DOCK8: variants seen among roughly 807,000 people sequenced by gnomAD.
DOCK8 encodes dedicator of cytokinesis 8.
In DOCK8, 141 loss-of-function variants were observed where a neutral mutation model predicts 245.6. That is an observed-to-expected ratio of 0.57 (90% CI 0.50 to 0.66). DOCK8 has a LOEUF of 0.66. Among genes scored for constraint, DOCK8 ranks in the 30% least tolerant of loss-of-function variants. The pLI is 0.00. For synonymous variants in DOCK8, 1,168 were observed against 970.2 expected (o/e 1.20, Z -3.79); for missense variants, 2,965 against 2,603.4 (o/e 1.14, Z -3.02).
chr9:365,170 A>G (rs1358816796), intron 14 of DOCK8, among the ~76,000 whole-genome samples: 2 of 152,218 alleles, frequency 1.3e-5, no homozygotes, highest in East Asian at 1.9e-4. Context: ...TTTATTTTAC[A>G]TTTTTGAAAA....
intron 46 of DOCK8, among the ~76,000 whole-genome samples, chr9:462,409 A>G (rs979298180): frequency 8.5e-5 from 13 of 152,358 alleles, no homozygotes; most frequent in African/African-American, 2.9e-4. Context: ...GCTGATAGCA[A>G]GTTTTCATTC....
In DOCK8 at chr9:286,522, A is replaced by G. The variant is rs886063849; in HGVS notation, c.218A>G (p.Asn73Ser). 3.1e-6 allele frequency: 5 copies of G among 1,614,008 alleles called. No homozygotes were observed. Among genetic ancestry groups the G allele is most frequent in the Non-Finnish European group, 4.2e-6 (5 of 1,179,934 alleles). ...GAAGGACTTCTGATGACACACCTGA[A>G]CAGCCTGGATGTGCAGCTTGCCCAG... The part of the protein sequence containing the change: ...DFEGLLMTHL[N>S]SLDVQLAQEL... The change falls in exon 3 of 48, where the codon AAC (asparagine) becomes AGC (serine). Residue 73 changes from asparagine (N) to serine (S), a missense_variant. Coordinates refer to ENST00000432829, the MANE Select transcript of DOCK8 (RefSeq NM_203447.4).
At chr9:440,179 C>T (rs140622335) in intron 40 of DOCK8, among the ~76,000 whole-genome samples, 107 of 152,188 alleles carry the variant, frequency 7.0e-4, no homozygotes, top group African/African-American at 2.3e-3. Context: ...CCACCACACT[C>T]GGCCAATTTT....
rs747023578 is a variant in DOCK8 at position 339,072 on chromosome 9, T to G, written c.1489T>G (p.Leu497Val). The G allele has an allele frequency of 6.8e-6, 11 of 1,614,004 alleles. No homozygotes were observed. Among genetic ancestry groups the G allele is most frequent in the Non-Finnish European group, 2.5e-6 (3 of 1,180,000 alleles). Reference protein sequence around the residue: ...FLADYKRSSSLQRRVKSIPGL... With the variant: ...FLADYKRSSSVQRRVKSIPGL... ...AGCTGACTACAAAAGATCATCATCCTTACAGAGACGAGTCAAGTCAATTCC... is the reference window on the plus strand; with the variant it reads ...AGCTGACTACAAAAGATCATCATCCGTACAGAGACGAGTCAAGTCAATTCC... Residue 497 changes from leucine to valine, a missense_variant, in exon 13 of 48, where the codon TTA (leucine) becomes GTA (valine). Coordinates refer to ENST00000432829, the MANE Select transcript of DOCK8 (RefSeq NM_203447.4).
rs2057909534 is a variant in DOCK8, at chr9:464,422, G to A, written c.*203G>A. Reference sequence around the variant, plus strand: ...CAGATTTTTGCCATACTGGGGGGTGGCGGGATGGAGGATGGGTACTCAGGC... The same window carrying A: ...CAGATTTTTGCCATACTGGGGGGTGACGGGATGGAGGATGGGTACTCAGGC... On this transcript the variant is annotated 3_prime_UTR_variant, in exon 48 of 48. Transcript: ENST00000432829. 2 of 638,128 alleles carry A rather than the reference G, an allele frequency of 3.1e-6. No homozygotes were observed. The highest frequency in any genetic ancestry group is 4.9e-5 in the Admixed American group (2 of 40,710). The allele number at this position is 638,128 out of a possible 1,614,324, so 39.5% of individuals were successfully genotyped here. A position where few individuals can be genotyped will look rare whatever the true frequency, so the allele number is the denominator to read the frequency against.
At chr9:420,849 A>C in intron 31 of DOCK8, 100 bp from the exon 32 acceptor site, 1 of 1,526,668 alleles carries the variant, frequency 6.6e-7, no homozygotes, top group East Asian at 2.3e-5. Flanking sequence ...GCACATGTCA[A>C]ACTTAGCTGG....
chr9:295,473 A>G (rs1443606907), intron 4 of DOCK8, among the ~76,000 whole-genome samples: 1 of 152,240 alleles, frequency 6.6e-6, no homozygotes, highest in African/African-American at 2.4e-5. Context: ...AGTATTAGCT[A>G]TTATATTTAT....
intron 28 of DOCK8, among the ~76,000 whole-genome samples, chr9:407,344 A>G (rs746373220): frequency 2.6e-5 from 4 of 152,212 alleles, no homozygotes; most frequent in Non-Finnish European, 5.9e-5. Context: ...CTGCTATAGC[A>G]GGTTTCCCAA....
chr9:307,328 GGTTTTTTTTGTTTTTTTTTTTT>G (rs2049881902), intron 5 of DOCK8, among the ~76,000 whole-genome samples: 2 of 64,548 alleles, frequency 3.1e-5, no homozygotes, highest in Admixed American at 3.7e-4. Flanking sequence ...TGTTGTGTGT[GGTTTTTTTTGTTTTTTTTTTTT>G]TTTTTTTTTT....
At chr9:259,528 C>T (rs1399340794) in intron 1 of DOCK8, among the ~76,000 whole-genome samples, 2 of 152,154 alleles carry the variant, frequency 1.3e-5, no homozygotes, top group Non-Finnish European at 2.9e-5. Context: ...ACATTTCCAG[C>T]CCTGAGTTTT....
At chr9:415,561 T>C (rs987138534) in intron 29 of DOCK8, among the ~76,000 whole-genome samples, 2 of 152,188 alleles carry the variant, frequency 1.3e-5, no homozygotes, top group Admixed American at 6.5e-5. Flanking sequence ...ACAAATTACA[T>C]TGTGGATTAA....
At chr9:422,458 G>A (rs1298062969) in intron 33 of DOCK8, among the ~76,000 whole-genome samples, 2 of 152,150 alleles carry the variant, frequency 1.3e-5, no homozygotes, top group Non-Finnish European at 2.9e-5. Context: ...CGGTGCCTAG[G>A]ACCGTATACT....
In DOCK8 at chr9:400,545, C is replaced by T. The variant is rs866165997; in HGVS notation, c.3234+1286C>T. 9.8e-5 allele frequency among the ~76,000 whole-genome samples: 6 copies of T among 61,132 alleles called. 1 individual carries two copies. The highest frequency in any genetic ancestry group is 1.0e-3 in the East Asian group (2 of 1,932). 40.1% of individuals were successfully genotyped at this position (61,132 alleles called of 152,430 possible). A position where few individuals can be genotyped will look rare whatever the true frequency, so the allele number is the denominator to read the frequency against. ...TCCACCATCACCACCACCTCCACCA[C>T]CACCAGCATCTTCACCATCACCACC... On this transcript the variant is annotated intron_variant, in intron 26 of 47. Transcript: ENST00000432829.
intron 14 of DOCK8, among the ~76,000 whole-genome samples, chr9:357,224 G>A (rs1341888933): frequency 6.6e-6 from 1 of 152,196 alleles, no homozygotes; most frequent in Non-Finnish European, 1.5e-5. Context: ...GAATGGGATG[G>A]AGATTAATGT....
rs571288663 is a variant in DOCK8, at chr9:224,728, G to C, written c.53+9699G>C. On this transcript the variant is annotated intron_variant, in intron 1 of 47. Transcript: ENST00000432829. ...TCAGGAAATTACACTTGGGGTCTGTGGTTCCCCAGGAAGACAAACTGGAGC... is the reference window on the plus strand; with the variant it reads ...TCAGGAAATTACACTTGGGGTCTGTCGTTCCCCAGGAAGACAAACTGGAGC... Among the ~76,000 whole-genome samples the C allele has an allele frequency of 1.5e-4, 23 of 152,230 alleles. No individual in the cohort carries two copies. The South Asian group carries it at 4.4e-3, about 29-fold the overall frequency.
intron 4 of DOCK8, among the ~76,000 whole-genome samples, chr9:293,305 A>G (rs2049123107): frequency 6.6e-6 from 1 of 152,214 alleles, no homozygotes; most frequent in Non-Finnish European, 1.5e-5. Context: ...TTCTGTCTCT[A>G]TATGCACCTG....
At chr9:400,791 TCACCACCACCTC>T (rs2054941663) in intron 26 of DOCK8, among the ~76,000 whole-genome samples, 1 of 4,854 alleles carries the variant, frequency 2.1e-4, no homozygotes. Flanking sequence ...ACCTCCACCA[TCACCACCACCTC>T]CACCATCACC....
intron 20 of DOCK8, 123 bp from the exon 21 acceptor site, chr9:379,648 C>T: frequency 1.9e-6 from 2 of 1,077,916 alleles, no homozygotes; most frequent in East Asian, 5.0e-5. Context: ...ACCATCTACC[C>T]TTCCCAGGCC....
Position 286,575 on chromosome 9 carries a change from T to A in DOCK8, c.271T>A (p.Leu91Met), listed in dbSNP as rs763563493. The part of the protein sequence containing the change: ...QELGDFTDDD[L>M]DVVFTPKECR... ...GCTCGGGGACTTCACTGATGACGAC[T>A]TGGACGTGGTGTTCACGCCAAAGGA... The change falls in exon 3 of 48, where the codon TTG (leucine) becomes ATG (methionine). Residue 91 changes from leucine to methionine, a missense_variant. Coordinates refer to ENST00000432829, the MANE Select transcript of DOCK8 (RefSeq NM_203447.4). The A allele has an allele frequency of 4.3e-6, 7 of 1,613,906 alleles. No homozygotes were observed. The highest frequency in any genetic ancestry group is 5.9e-6 in the Non-Finnish European group (7 of 1,179,956).
Sources: allele counts gnomAD v4.1 joint callset (sites outside exome capture counted in the v4.1 genomes callset), GRCh38; gene constraint gnomAD v4.1.1; transcripts MANE v1.5; gene names NCBI Gene and HGNC (gene_info 2026-07-23, HGNC 2026-07-21).